The following KCNAB1 variants were observed in gnomAD, a reference collection of about 807,000 sequenced individuals.
KCNAB1 encodes the protein voltage-gated potassium channel subunit beta-1.
In KCNAB1, 35 loss-of-function variants were observed where a neutral mutation model predicts 64.6. That is an observed-to-expected ratio of 0.54 (90% CI 0.41 to 0.72). The LOEUF is 0.72. KCNAB1 is among the 30% of genes least tolerant of loss of function. KCNAB1 has a pLI of 0.00. For missense variants in KCNAB1, 401 were observed against 512.9 expected, an observed-to-expected ratio of 0.78 and a Z score of 2.11; for synonymous variants, 177 against 183.8, an observed-to-expected ratio of 0.96 and a Z score of 0.30.
At chr3:156,291,781 G>T (rs1172255719) in intron 1 of KCNAB1, 19 of 1,513,322 alleles carry the variant, frequency 1.3e-5, no homozygotes, top group Admixed American at 2.1e-5. Context: ...CTCCTCTGAC[G>T]GCATCCCCAG....
chr3:156,271,542 AT>A (rs1719038136), intron 1 of KCNAB1, among the ~76,000 whole-genome samples: 1 of 152,136 alleles, frequency 6.6e-6, no homozygotes, highest in Admixed American at 6.5e-5. Flanking sequence ...AGTATTTTAA[AT>A]TATTTCAATT....
intron 8 of KCNAB1, among the ~76,000 whole-genome samples, chr3:156,489,240 A>G (rs1715444929): frequency 6.6e-6 from 1 of 152,144 alleles, no homozygotes; most frequent in South Asian, 2.1e-4. Context: ...AAGAAGATAT[A>G]GAAAGAAAGG....
intron 1 of KCNAB1, among the ~76,000 whole-genome samples, chr3:156,222,827 G>A (rs948375512): frequency 1.3e-5 from 2 of 152,214 alleles, no homozygotes; most frequent in Non-Finnish European, 2.9e-5. Context: ...GATCCTGAAT[G>A]ATTGTTGGGT....
intron 1 of KCNAB1, among the ~76,000 whole-genome samples, chr3:156,316,475 GTT>G (rs768242299): frequency 2.0e-5 from 3 of 152,204 alleles, no homozygotes; most frequent in Non-Finnish European, 4.4e-5. Context: ...AGTCTCAGTA[GTT>G]TTCAATCTAT....
At chr3:156,234,946 T>C (rs1338541700) in intron 1 of KCNAB1, among the ~76,000 whole-genome samples, 10 of 152,228 alleles carry the variant, frequency 6.6e-5, no homozygotes, top group Non-Finnish European at 1.5e-4. Flanking sequence ...CTGTTAAATG[T>C]GAATTTTCTA....
chr3:156,463,326 C>T lies in KCNAB1; in HGVS notation c.483-376C>T, dbSNP rs537677085. Among the ~76,000 whole-genome samples the T allele has an allele frequency of 4.6e-5, 7 of 152,178 alleles. No homozygotes were observed. The South Asian group carries it at 1.0e-3, about 23-fold the overall frequency. ...TTTGACTTACTAAAGCAATTCATCC[C>T]CTCAGTCTTTTCACTTTCATCCCCA... On this transcript the variant is annotated intron_variant, in intron 5 of 13. Transcript: ENST00000490337.
intron 1 of KCNAB1, among the ~76,000 whole-genome samples, chr3:156,132,740 AG>A (rs1714077334): frequency 6.6e-6 from 1 of 152,240 alleles, no homozygotes; most frequent in Admixed American, 6.5e-5. Flanking sequence ...TCATTTAAAC[AG>A]TGTAATCATT....
intron 1 of KCNAB1, among the ~76,000 whole-genome samples, chr3:156,282,442 G>C (rs1473475272): frequency 6.7e-6 from 1 of 150,100 alleles, no homozygotes; most frequent in Non-Finnish European, 1.5e-5. Flanking sequence ...TGTATATTCT[G>C]TTGATTTGGG....
chr3:156,398,506 G>A (rs1713641371), intron 1 of KCNAB1, among the ~76,000 whole-genome samples: 1 of 151,200 alleles, frequency 6.6e-6, no homozygotes, highest in Non-Finnish European at 1.5e-5. Flanking sequence ...GCAGGAGAAT[G>A]GCATGAACCC....
At chr3:156,389,503 G>T (rs1205909326) in intron 1 of KCNAB1, among the ~76,000 whole-genome samples, 1 of 152,164 alleles carries the variant, frequency 6.6e-6, no homozygotes, top group Admixed American at 6.5e-5. Flanking sequence ...CCATGTACAG[G>T]AAGAGATCTG....
chr3:156,342,609 A>ATTTT (rs59689669), intron 1 of KCNAB1, among the ~76,000 whole-genome samples: 7 of 104,686 alleles, frequency 6.7e-5, no homozygotes, highest in Non-Finnish European at 1.2e-4. Flanking sequence ...TTTTTTTTTA[A>ATTTT]TTTTTTTTTT....
intron 1 of KCNAB1, among the ~76,000 whole-genome samples, chr3:156,267,564 A>C (rs1268933223): frequency 6.6e-6 from 1 of 152,104 alleles, no homozygotes; most frequent in African/African-American, 2.4e-5. Context: ...TGCATCACTT[A>C]TTACATAAAT....
At chr3:156,424,764 G>A (rs943042756) in intron 2 of KCNAB1, among the ~76,000 whole-genome samples, 8 of 152,022 alleles carry the variant, frequency 5.3e-5, no homozygotes, top group Non-Finnish European at 7.4e-5. Context: ...GTTGATTTTT[G>A]TTTTCTTTAA....
At chr3:156,321,197 A>T (rs903017678) in intron 1 of KCNAB1, among the ~76,000 whole-genome samples, 2 of 152,080 alleles carry the variant, frequency 1.3e-5, no homozygotes, top group African/African-American at 4.8e-5. Flanking sequence ...TTTAGAGCAA[A>T]TGTTTCTGTG....
At chr3:156,410,769 T>C (rs1361081240) in intron 1 of KCNAB1, among the ~76,000 whole-genome samples, 1 of 152,200 alleles carries the variant, frequency 6.6e-6, no homozygotes, top group African/African-American at 2.4e-5. Context: ...CTTAGCAAAA[T>C]GCCTTTAATT....
At chr3:156,342,609 A>ATTT (rs59689669) in intron 1 of KCNAB1, among the ~76,000 whole-genome samples, 30 of 104,650 alleles carry the variant, frequency 2.9e-4, no homozygotes, top group East Asian at 8.7e-4. Context: ...TTTTTTTTTA[A>ATTT]TTTTTTTTTT....
chr3:156,407,570 C>T (rs1277137295), intron 1 of KCNAB1, among the ~76,000 whole-genome samples: 2 of 152,178 alleles, frequency 1.3e-5, no homozygotes, highest in African/African-American at 2.4e-5. Flanking sequence ...AATAATCAAC[C>T]TTTGAGATAT....
intron 1 of KCNAB1, among the ~76,000 whole-genome samples, chr3:156,335,492 A>G (rs1413131282): frequency 1.3e-5 from 2 of 152,198 alleles, no homozygotes. Context: ...GTTCCTTGCC[A>G]TTGAGGACTA....
At chr3:156,314,283 A>G (rs1364427636) in intron 1 of KCNAB1, among the ~76,000 whole-genome samples, 9 of 152,010 alleles carry the variant, frequency 5.9e-5, no homozygotes, top group Admixed American at 5.2e-4. Context: ...TCAAAAATGT[A>G]CAGGGGTTGG....
Sources: allele counts gnomAD v4.1 joint callset (sites outside exome capture counted in the v4.1 genomes callset), GRCh38; gene constraint gnomAD v4.1.1; transcripts MANE v1.5; gene names NCBI Gene and HGNC (gene_info 2026-07-23, HGNC 2026-07-21).